The following KLHL1 variants were observed in gnomAD, a reference collection of about 807,000 sequenced individuals.
KLHL1 encodes the protein kelch-like protein 1.
KLHL1 carries 47 observed loss-of-function variants against 77.7 expected under a neutral mutation model. The ratio of observed to expected loss-of-function variants is 0.60; its 90% CI spans 0.48 to 0.77. The LOEUF (loss-of-function observed/expected upper bound fraction) is 0.77. Ranked by LOEUF, KLHL1 falls within the 30% of genes least tolerant of loss-of-function variation. The pLI, the probability that KLHL1 is intolerant of heterozygous loss-of-function variation, is 0.00. For missense variants in KLHL1, 925 were observed against 910.8 expected (o/e 1.02, Z -0.20); for synonymous variants, 360 against 325.2 (o/e 1.11, Z -1.15).
chr13:70,045,718 A>G (rs902163309), intron 1 of KLHL1, among the ~76,000 whole-genome samples: 2 of 152,170 alleles, frequency 1.3e-5, no homozygotes, highest in Admixed American at 6.5e-5. Flanking sequence ...TTCCTGAGTA[A>G]CTAAAGGACA....
intron 2 of KLHL1, among the ~76,000 whole-genome samples, chr13:69,973,087 T>C (rs1039239448): frequency 6.6e-6 from 1 of 151,962 alleles, no homozygotes; most frequent in Non-Finnish European, 1.5e-5. Flanking sequence ...TTATTTTTCA[T>C]GCAGAAATAT....
chr13:70,079,624 A>G (rs977340448), intron 1 of KLHL1, among the ~76,000 whole-genome samples: 1 of 152,186 alleles, frequency 6.6e-6, no homozygotes, highest in Non-Finnish European at 1.5e-5. Flanking sequence ...CAATGAAGGA[A>G]TAGCAATAAT....
At chr13:70,057,592 A>T (rs1245532824) in intron 1 of KLHL1, among the ~76,000 whole-genome samples, 1 of 149,732 alleles carries the variant, frequency 6.7e-6, no homozygotes, top group Non-Finnish European at 1.5e-5. Flanking sequence ...CTGGCTAACA[A>T]GGTGAAACCC....
At chr13:70,078,483 C>CA (rs1306891610) in intron 1 of KLHL1, among the ~76,000 whole-genome samples, 6 of 151,816 alleles carry the variant, frequency 4.0e-5, no homozygotes, top group Admixed American at 1.3e-4. Context: ...AAACACTCAA[C>CA]AAAAAAATAT....
intron 9 of KLHL1, 51 bp from the exon 10 acceptor site, chr13:69,707,847 T>C (rs1347158166): frequency 2.8e-6 from 4 of 1,432,536 alleles, no homozygotes; most frequent in Admixed American, 2.3e-5. Flanking sequence ...CATTCAACTT[T>C]TACTATAAAA....
chr13:69,785,856 C>A (rs1960755553), intron 7 of KLHL1, among the ~76,000 whole-genome samples: 1 of 152,214 alleles, frequency 6.6e-6, no homozygotes, highest in Non-Finnish European at 1.5e-5. Context: ...ATACAAACTA[C>A]CATCAGAGAA....
At chr13:70,011,874 A>G (rs138581475) in intron 1 of KLHL1, among the ~76,000 whole-genome samples, 78 of 152,302 alleles carry the variant, frequency 5.1e-4, no homozygotes, top group Non-Finnish European at 5.9e-5. Context: ...CAATTTACCA[A>G]AGAAAGATGT....
chr13:69,737,447 G>A (rs1159727200), intron 8 of KLHL1, among the ~76,000 whole-genome samples: 1 of 152,220 alleles, frequency 6.6e-6, no homozygotes, highest in African/African-American at 2.4e-5. Flanking sequence ...GGAATCTCTG[G>A]CGGCCAGCAC....
chr13:70,044,268 C>G (rs1429222664), intron 1 of KLHL1, among the ~76,000 whole-genome samples: 1 of 152,148 alleles, frequency 6.6e-6, no homozygotes, highest in Non-Finnish European at 1.5e-5. Flanking sequence ...TTAAATATTA[C>G]TTTCTCAGTA....
intron 7 of KLHL1, among the ~76,000 whole-genome samples, chr13:69,770,270 T>C (rs938644656): frequency 2.6e-5 from 4 of 152,166 alleles, no homozygotes; most frequent in Non-Finnish European, 4.4e-5. Context: ...GATCACAGAA[T>C]CTGGGCCAGG....
intron 4 of KLHL1, among the ~76,000 whole-genome samples, chr13:69,923,414 G>A (rs1050997974): frequency 3.3e-5 from 5 of 152,122 alleles, no homozygotes; most frequent in African/African-American, 7.2e-5. Flanking sequence ...TTGGAGGGCA[G>A]GTGCTAAAGT....
chr13:69,993,887 G>A lies in KLHL1; in HGVS notation c.498-18085C>T, dbSNP rs139411344. Among the ~76,000 whole-genome samples, 504 of 152,200 alleles carry A rather than the reference G, an allele frequency of 3.3e-3. 3 individuals carry two copies. Among genetic ancestry groups the A allele is most frequent in the African/African-American group, 0.011 (476 of 41,560 alleles). ...GAATGGGAATTTGAAAGCCTAACAT[G>A]TTTGAGAAATATAGAGATCACATTT... On this transcript the variant is annotated intron_variant, in intron 1 of 10. Transcript: ENST00000377844.
intron 4 of KLHL1, among the ~76,000 whole-genome samples, chr13:69,935,275 T>TGGTACATAGTTCACCTACTGATGAACTA (rs1883150399): frequency 6.6e-6 from 1 of 151,606 alleles, no homozygotes. Flanking sequence ...CTGGTGAACT[T>TGGTACATAGTTCACCTACTGATGAACTA]GGTACATAGC....
At chr13:69,708,588 A>C (rs1239683220) in intron 9 of KLHL1, among the ~76,000 whole-genome samples, 1 of 152,028 alleles carries the variant, frequency 6.6e-6, no homozygotes, top group Non-Finnish European at 1.5e-5. Context: ...CAAAGTCAGA[A>C]GACTGAACTT....
At chr13:69,742,489 T>C (rs1189562435) in intron 7 of KLHL1, among the ~76,000 whole-genome samples, 8 of 152,150 alleles carry the variant, frequency 5.3e-5, no homozygotes, top group Admixed American at 3.9e-4. Context: ...CTATTATTCA[T>C]TGAATGACCT....
chr13:70,013,203 AG>A (rs1257701793), intron 1 of KLHL1, among the ~76,000 whole-genome samples: 3 of 152,204 alleles, frequency 2.0e-5, no homozygotes, highest in Non-Finnish European at 4.4e-5. Context: ...GAATCACAAA[AG>A]TAAAGGACAC....
intron 8 of KLHL1, among the ~76,000 whole-genome samples, chr13:69,734,808 T>C (rs530132386): frequency 4.2e-4 from 64 of 152,274 alleles, no homozygotes; most frequent in African/African-American, 1.5e-3. Context: ...TTAAAGGTAC[T>C]ATATATAATA....
chr13:70,062,506 A>T (rs891292327), intron 1 of KLHL1, among the ~76,000 whole-genome samples: 4 of 152,182 alleles, frequency 2.6e-5, no homozygotes, highest in Non-Finnish European at 4.4e-5. Context: ...TCAAATGTTC[A>T]CATATAATTC....
At chr13:69,919,609 T>C (rs1866927310) in intron 4 of KLHL1, among the ~76,000 whole-genome samples, 1 of 152,074 alleles carries the variant, frequency 6.6e-6, no homozygotes, top group Admixed American at 6.6e-5. Flanking sequence ...TGGCCAGCCT[T>C]GTCCAGAGGT....
Sources: gnomAD v4.1 joint callset for allele counts (sites outside exome capture counted in the v4.1 genomes callset) on GRCh38, gnomAD v4.1.1 for gene constraint, MANE v1.5 for transcripts, NCBI Gene and HGNC (gene_info 2026-07-23, HGNC 2026-07-21) for gene names.